The following ZBTB20 variants were observed in gnomAD, a reference collection of about 807,000 sequenced individuals.
ZBTB20 encodes the protein zinc finger and BTB domain containing 20.
In ZBTB20, 9 loss-of-function variants were observed where a neutral mutation model predicts 56.9. That is an observed-to-expected ratio of 0.16 (90% CI 0.10 to 0.28). The LOEUF is 0.28. ZBTB20 is among the 10% of genes least tolerant of loss of function. The pLI, the probability that ZBTB20 is intolerant of heterozygous loss-of-function variation, is 1.00. For missense variants in ZBTB20, 655 were observed against 1,003.0 expected, an observed-to-expected ratio of 0.65 and a Z score of 4.69; for synonymous variants, 417 against 420.7, an observed-to-expected ratio of 0.99 and a Z score of 0.11.
chr3:114,565,352 G>A (rs780458687), intron 6 of ZBTB20, among the ~76,000 whole-genome samples: 7 of 152,092 alleles, frequency 4.6e-5, no homozygotes, highest in African/African-American at 7.2e-5. Flanking sequence ...CCCGATTGTC[G>A]CAATCTTTTG....
intron 7 of ZBTB20, among the ~76,000 whole-genome samples, chr3:114,474,605 G>A (rs1020180994): frequency 3.3e-5 from 5 of 152,114 alleles, no homozygotes; most frequent in Non-Finnish European, 7.4e-5. Context: ...ACCACTCACA[G>A]ATACCCAGTC....
intron 5 of ZBTB20, among the ~76,000 whole-genome samples, chr3:114,792,931 A>G (rs2071075432): frequency 7.0e-6 from 1 of 143,046 alleles, no homozygotes; most frequent in Non-Finnish European, 1.5e-5. Context: ...GCTGGAGTGC[A>G]ATGGTGCGAT....
rs778092417 is a variant in ZBTB20 at position 114,339,401 on chromosome 3, G to A, written c.1830C>T (p.Ile610=). 1.9e-6 allele frequency: 3 copies of A among 1,613,676 alleles called. No homozygotes were observed. Among genetic ancestry groups the A allele is most frequent in the Admixed American group, 1.7e-5 (1 of 60,010 alleles). ...HTGEKPHQCS[I]CWRSFSLKDY... The stretch of plus-strand genomic sequence containing the variant: ...CCTTTAAGGAGAAGGAGCGCCAACA[G>A]ATGCTGCATTGGTGGGGCTTCTCAC... Residue 610 remains isoleucine, a synonymous_variant, in exon 12 of 12, where the codon ATC becomes ATT. Coordinates refer to ENST00000675478, the MANE Select transcript of ZBTB20 (RefSeq NM_001348800.3). The surrounding 1 kb of genome is among the most constrained non-coding windows in gnomAD (Gnocchi z 4.2).
Position 114,319,833 on chromosome 3 carries a change from T to C in ZBTB20, c.*19172A>G, listed in dbSNP as rs2078829831. ...ATACATATATATATATATATAAGCA[T>C]ATACATATATATATACACACACACA... On this transcript the variant is annotated 3_prime_UTR_variant, in exon 12 of 12. Coordinates refer to ENST00000675478, the MANE Select transcript of ZBTB20 (RefSeq NM_001348800.3). 1 of 151,954 alleles carries C rather than the reference T, an allele frequency of 6.6e-6. No individual in the cohort carries two copies. The highest frequency in any genetic ancestry group is 1.5e-5 in the Non-Finnish European group (1 of 68,000). The allele number at this position is 151,954 out of a possible 1,614,324, so 9.4% of individuals were successfully genotyped here.
At chr3:114,978,946 G>T (rs2108075832) in intron 2 of ZBTB20, among the ~76,000 whole-genome samples, 1 of 151,768 alleles carries the variant, frequency 6.6e-6, no homozygotes, top group Non-Finnish European at 1.5e-5. Context: ...ATGTCTATCT[G>T]TCATTTTTGG....
At chr3:114,970,851 T>C (rs2077848836) in intron 3 of ZBTB20, among the ~76,000 whole-genome samples, 1 of 152,042 alleles carries the variant, frequency 6.6e-6, no homozygotes, top group South Asian at 2.1e-4. Flanking sequence ...TCGTGTCTAC[T>C]AAAAATACAA....
intron 6 of ZBTB20, among the ~76,000 whole-genome samples, chr3:114,590,183 G>A (rs1466912449): frequency 6.6e-6 from 1 of 152,126 alleles, no homozygotes; most frequent in Non-Finnish European, 1.5e-5. Context: ...GGCCGTGTGC[G>A]AAGGCTCACG....
intron 2 of ZBTB20, among the ~76,000 whole-genome samples, chr3:114,992,934 G>C (rs569532980): frequency 2.4e-4 from 37 of 152,036 alleles, no homozygotes; most frequent in South Asian, 2.3e-3. Context: ...TACAGGCACA[G>C]ATCATGGGTC....
intron 6 of ZBTB20, among the ~76,000 whole-genome samples, chr3:114,514,059 T>C (rs2045706375): frequency 6.6e-6 from 1 of 152,182 alleles, no homozygotes; most frequent in African/African-American, 2.4e-5. Flanking sequence ...CTGGGACTTT[T>C]GAGATTTAAA....
intron 5 of ZBTB20, among the ~76,000 whole-genome samples, chr3:114,746,060 T>C (rs185553716): frequency 3.2e-4 from 49 of 152,292 alleles, no homozygotes; most frequent in Admixed American, 2.9e-3. Context: ...TATTAAACCA[T>C]GTGCGGTTCA....
At chr3:114,985,551 A>G (rs1350121364) in intron 2 of ZBTB20, among the ~76,000 whole-genome samples, 1 of 152,108 alleles carries the variant, frequency 6.6e-6, no homozygotes, top group Non-Finnish European at 1.5e-5. Flanking sequence ...TAAACTTTTG[A>G]TATGTCATTA....
At chr3:114,362,016 G>A (rs1251321083) in intron 10 of ZBTB20, among the ~76,000 whole-genome samples, 1 of 152,274 alleles carries the variant, frequency 6.6e-6, no homozygotes, top group East Asian at 1.9e-4. Context: ...CATGGACTAA[G>A]GACTTAGATT....
rs989232690 is a variant in ZBTB20, at chr3:114,337,704, A to G, written c.*1301T>C. On this transcript the variant is annotated 3_prime_UTR_variant, in exon 12 of 12. Coordinates refer to ENST00000675478, the MANE Select transcript of ZBTB20 (RefSeq NM_001348800.3). The stretch of plus-strand genomic sequence containing the variant: ...TAAAAATTAAGAAAAATTAAAAAAA[A>G]TATGAAGAAAATATCCTTCCTCTCT... 3.3e-5 allele frequency: 5 copies of G among 152,156 alleles called. No homozygotes were observed. Among genetic ancestry groups the G allele is most frequent in the Non-Finnish European group, 7.4e-5 (5 of 68,024 alleles). 9.4% of individuals were successfully genotyped at this position (152,156 alleles called of 1,614,324 possible). A position where few individuals can be genotyped will look rare whatever the true frequency, so the allele number is the denominator to read the frequency against.
chr3:114,780,765 C>T (rs1318524908), intron 5 of ZBTB20, among the ~76,000 whole-genome samples: 3 of 152,256 alleles, frequency 2.0e-5, no homozygotes, highest in South Asian at 2.1e-4. Flanking sequence ...GGATTACAAG[C>T]GTGAGCCACC....
intron 4 of ZBTB20, among the ~76,000 whole-genome samples, chr3:114,882,081 A>C (rs952719231): frequency 2.0e-5 from 3 of 151,952 alleles, no homozygotes; most frequent in Non-Finnish European, 4.4e-5. Context: ...TTTCCATAAT[A>C]TACAAAGAGG....
chr3:114,798,499 T>C (rs534392390), intron 5 of ZBTB20, among the ~76,000 whole-genome samples: 2 of 151,950 alleles, frequency 1.3e-5, no homozygotes, highest in Non-Finnish European at 1.5e-5. Flanking sequence ...TCAGGAAACA[T>C]TGCTTAGACC....
intron 4 of ZBTB20, among the ~76,000 whole-genome samples, chr3:114,843,346 T>C (rs909853377): frequency 6.6e-6 from 1 of 152,176 alleles, no homozygotes; most frequent in African/African-American, 2.4e-5. Context: ...AGGAAAGAAC[T>C]ATAAGTACCT....
chr3:114,490,125 T>C (rs2042572143), intron 7 of ZBTB20, among the ~76,000 whole-genome samples: 1 of 152,198 alleles, frequency 6.6e-6, no homozygotes, highest in East Asian at 1.9e-4. Flanking sequence ...TTATTCATTT[T>C]AAATGGGAGT....
intron 1 of ZBTB20, among the ~76,000 whole-genome samples, chr3:115,096,579 C>T (rs986880524): frequency 6.6e-6 from 1 of 152,220 alleles, no homozygotes; most frequent in Non-Finnish European, 1.5e-5. Context: ...AGAATATCAA[C>T]ACCAGTCATT....
Sources: allele counts gnomAD v4.1 joint callset (sites outside exome capture counted in the v4.1 genomes callset), GRCh38; gene constraint gnomAD v4.1.1; non-coding constraint Gnocchi (gnomAD v3.1); transcripts MANE v1.5; gene names NCBI Gene and HGNC (gene_info 2026-07-23, HGNC 2026-07-21).